RYR3: variants seen among roughly 807,000 people sequenced by gnomAD.
RYR3 encodes ryanodine receptor 3.
A neutral mutation model predicts 584.3 loss-of-function variants in RYR3; 207 were observed. The observed-to-expected ratio is 0.35, with a 90% CI of 0.32 to 0.40. The LOEUF (loss-of-function observed/expected upper bound fraction) is 0.40, where lower values mean the gene tolerates loss of function less well. Ranked by LOEUF, RYR3 falls within the 10% of genes least tolerant of loss-of-function variation. The pLI, the probability that RYR3 is intolerant of heterozygous loss-of-function variation, is 1.00. For missense variants in RYR3, 5,616 were observed against 6,089.2 expected (o/e 0.92, Z 2.59); for synonymous variants, 2,416 against 2,248.5 (o/e 1.07, Z -2.11).
At chr15:33,463,678 A>C (rs1163752645) in intron 1 of RYR3, among the ~76,000 whole-genome samples, 29 of 152,072 alleles carry the variant, frequency 1.9e-4, no homozygotes, top group Admixed American at 1.9e-3. Flanking sequence ...TCCCTAATCA[A>C]CTCAGGGAAA....
chr15:33,350,481 C>G (rs1233489677), intron 1 of RYR3, among the ~76,000 whole-genome samples: 2 of 151,548 alleles, frequency 1.3e-5, no homozygotes, highest in South Asian at 2.1e-4. Context: ...CACACCACAC[C>G]TATTCCAAAA....
At chr15:33,593,581 T>C (rs1326175869) in intron 16 of RYR3, among the ~76,000 whole-genome samples, 2 of 152,246 alleles carry the variant, frequency 1.3e-5, no homozygotes, top group Non-Finnish European at 2.9e-5. Flanking sequence ...TTCTGAAGTT[T>C]ATTTAAGTTG....
intron 67 of RYR3, among the ~76,000 whole-genome samples, chr15:33,789,743 C>T (rs1305722755): frequency 1.0e-4 from 12 of 119,858 alleles, no homozygotes; most frequent in African/African-American, 2.9e-4. Flanking sequence ...GGCGCAATCT[C>T]GGCTCACTGC....
At chr15:33,445,855 C>T (rs747698547) in intron 1 of RYR3, among the ~76,000 whole-genome samples, 2 of 151,916 alleles carry the variant, frequency 1.3e-5, no homozygotes, top group Non-Finnish European at 2.9e-5. Context: ...AGAAAATCGA[C>T]GTGATTTTTG....
intron 18 of RYR3, among the ~76,000 whole-genome samples, chr15:33,612,377 T>TG (rs2060239439): frequency 6.6e-6 from 1 of 152,256 alleles, no homozygotes; most frequent in Non-Finnish European, 1.5e-5. Context: ...GTTTGTTTTT[T>TG]GAGATGGAGT....
chr15:33,516,341 C>CTT lies in RYR3; in HGVS notation c.279+12616_279+12617dup, dbSNP rs200998411. Among the ~76,000 whole-genome samples the CTT allele has an allele frequency of 5.1e-3, 739 of 144,256 alleles. 4 individuals carry two copies. Among genetic ancestry groups the CTT allele is most frequent in the Middle Eastern group, 0.029 (8 of 276 alleles). The allele number at this position is 144,256 out of a possible 152,430, so 94.6% of individuals were successfully genotyped here. A position where few individuals can be genotyped will look rare whatever the true frequency, so the allele number is the denominator to read the frequency against. ...AAAAGACTCGTATCTGTAAGATCTA[C>CTT]TTTTTTTTTTTTTTCCTCCTGAGAC... On this transcript the variant is annotated intron_variant, in intron 3 of 103. Coordinates refer to ENST00000634891, the MANE Select transcript of RYR3 (RefSeq NM_001036.6).
chr15:33,644,339 A>G lies in RYR3; in HGVS notation c.3585A>G (p.Leu1195=), dbSNP rs1000561812. The change falls in exon 28 of 104, where the codon CTA becomes CTG. Residue 1195 remains leucine, a synonymous_variant. Transcript: ENST00000634891. ...TCGTGCCCATCTGCTGTCTGGGTCTATCTCAGATCGGCCGCATGAATCTCG... is the reference window on the plus strand; with the variant it reads ...TCGTGCCCATCTGCTGTCTGGGTCTGTCTCAGATCGGCCGCATGAATCTCG... ...NGFVPICCLG[L]SQIGRMNLGT... 1.9e-6 allele frequency: 3 copies of G among 1,612,492 alleles called. No individual in the cohort carries two copies. Among genetic ancestry groups the G allele is most frequent in the South Asian group, 2.2e-5 (2 of 90,526 alleles).
At position 33,646,181 on chromosome 15, in the gene RYR3, C is replaced by T. The variant is rs181063105; in HGVS notation, c.3766-170C>T. 137 of 555,230 alleles carry T rather than the reference C, an allele frequency of 2.5e-4. 1 individual carries two copies. Among genetic ancestry groups the T allele is most frequent in the Middle Eastern group, 4.6e-4 (1 of 2,172 alleles). The allele number at this position is 555,230 out of a possible 1,614,324, so 34.4% of individuals were successfully genotyped here. A position where few individuals can be genotyped will look rare whatever the true frequency, so the allele number is the denominator to read the frequency against. On this transcript the variant is annotated intron_variant, in intron 28 of 103. Transcript: ENST00000634891. Reference sequence around the variant, plus strand: ...CCAGGAGCAGATCTGTTTCTTCCTACGGGACAAGGCCCAAGTAATGATGAG... The same window carrying T: ...CCAGGAGCAGATCTGTTTCTTCCTATGGGACAAGGCCCAAGTAATGATGAG...
At chr15:33,746,577 T>C (rs1023768479) in intron 53 of RYR3, among the ~76,000 whole-genome samples, 14 of 151,862 alleles carry the variant, frequency 9.2e-5, no homozygotes, top group African/African-American at 3.1e-4. Context: ...GGTGGGAGGA[T>C]TGCTTGAGGT....
chr15:33,573,532 G>A (rs2058143453), intron 12 of RYR3, among the ~76,000 whole-genome samples: 1 of 152,162 alleles, frequency 6.6e-6, no homozygotes, highest in Non-Finnish European at 1.5e-5. Context: ...GATCGATTAA[G>A]GAGTCTGAAA....
intron 9 of RYR3, 56 bp from the exon 10 acceptor site, chr15:33,550,104 C>A: frequency 1.3e-6 from 2 of 1,559,780 alleles, no homozygotes; most frequent in East Asian, 2.3e-5. Flanking sequence ...AGGATAAATA[C>A]TGAAAAGGAC....
chr15:33,614,951 C>A (rs16973302), intron 19 of RYR3, among the ~76,000 whole-genome samples: 10,530 of 152,134 alleles, frequency 0.069, 1,225 homozygotes, highest in African/African-American at 0.24. Context: ...ATGCATGCTG[C>A]TTTCCTATAT....
intron 27 of RYR3, among the ~76,000 whole-genome samples, chr15:33,642,307 G>T (rs1425641036): frequency 6.6e-6 from 1 of 152,148 alleles, no homozygotes; most frequent in Non-Finnish European, 1.5e-5. Flanking sequence ...GAATAGAGAG[G>T]TTTTCTTAAG....
chr15:33,808,186 G>A (rs767191369), intron 70 of RYR3, among the ~76,000 whole-genome samples: 5 of 152,218 alleles, frequency 3.3e-5, no homozygotes, highest in Non-Finnish European at 5.9e-5. Flanking sequence ...GCAGCTCTTA[G>A]TTAGGAAAGG....
At chr15:33,666,724 A>G (rs921387624) in intron 36 of RYR3, among the ~76,000 whole-genome samples, 1 of 152,212 alleles carries the variant, frequency 6.6e-6, no homozygotes, top group Admixed American at 6.5e-5. Context: ...ACTAAGTACA[A>G]AAGAAGGTAA....
At chr15:33,553,351 T>C (rs558956184) in intron 10 of RYR3, among the ~76,000 whole-genome samples, 2 of 152,282 alleles carry the variant, frequency 1.3e-5, no homozygotes, top group African/African-American at 4.8e-5. Context: ...GTGACAGTTA[T>C]GACTACTAAA....
intron 38 of RYR3, among the ~76,000 whole-genome samples, chr15:33,682,125 G>A (rs1328150905): frequency 6.6e-6 from 1 of 152,190 alleles, no homozygotes; most frequent in Admixed American, 6.5e-5. Flanking sequence ...ACCAACTTTG[G>A]TAGGTGAATC....
chr15:33,330,007 C>G (rs1368762461), intron 1 of RYR3, among the ~76,000 whole-genome samples: 1 of 152,042 alleles, frequency 6.6e-6, no homozygotes, highest in African/African-American at 2.4e-5. Flanking sequence ...GTGCACAAAC[C>G]CTGAGGTCCT....
At chr15:33,443,343 A>G (rs2141893637) in intron 1 of RYR3, among the ~76,000 whole-genome samples, 1 of 152,294 alleles carries the variant, frequency 6.6e-6, no homozygotes, top group East Asian at 1.9e-4. Context: ...TGGAAGTCAG[A>G]AAAATTGAAA....
Sources: allele counts gnomAD v4.1 joint callset (sites outside exome capture counted in the v4.1 genomes callset), GRCh38; gene constraint gnomAD v4.1.1; transcripts MANE v1.5; gene names NCBI Gene and HGNC (gene_info 2026-07-23, HGNC 2026-07-21).